Variants in NAV2 observed in about 807,000 individuals in gnomAD.
NAV2 encodes neuron navigator 2.
A neutral mutation model predicts 223.2 loss-of-function variants in NAV2; 54 were observed. That is an observed-to-expected ratio of 0.24 (90% confidence interval 0.19 to 0.30). NAV2 has a LOEUF of 0.30. Among genes scored for constraint, NAV2 ranks in the 10% least tolerant of loss-of-function variants. The probability of loss-of-function intolerance (pLI) is 1.00; values close to 1 mark genes in which losing one functional copy is unlikely to be tolerated. For synonymous variants in NAV2, 1,279 were observed against 1,239.3 expected (o/e 1.03, Z -0.67); for missense variants, 2,806 against 3,147.5 (o/e 0.89, Z 2.60).
chr11:19,751,285 C>A (rs1420650508), intron 1 of NAV2, among the ~76,000 whole-genome samples: 1 of 152,156 alleles, frequency 6.6e-6, no homozygotes, highest in East Asian at 1.9e-4. Flanking sequence ...AGCTCTTAAC[C>A]AATACTCATA....
intron 4 of NAV2, among the ~76,000 whole-genome samples, chr11:19,870,193 C>T (rs549486352): frequency 6.6e-4 from 100 of 152,208 alleles, no homozygotes; most frequent in Non-Finnish European, 3.8e-4. Context: ...CCCTGGGGTA[C>T]GGACCCTCAT....
chr11:19,956,132 C>G (rs1481075243), intron 10 of NAV2, among the ~76,000 whole-genome samples: 1 of 152,158 alleles, frequency 6.6e-6, no homozygotes, highest in African/African-American at 2.4e-5. Context: ...AAGGTAAAGA[C>G]TCAGCTATGT....
intron 1 of NAV2, among the ~76,000 whole-genome samples, chr11:19,528,577 G>C (rs2043917842): frequency 6.6e-6 from 1 of 152,158 alleles, no homozygotes. Context: ...AATGAAGCTA[G>C]CTTTCCTTTA....
intron 4 of NAV2, among the ~76,000 whole-genome samples, chr11:19,873,130 A>C (rs748393206): frequency 1.3e-5 from 2 of 152,206 alleles, no homozygotes; most frequent in Non-Finnish European, 2.9e-5. Context: ...GTTGGGGAGT[A>C]AGGCATATTC....
At chr11:20,103,115 C>T in intron 32 of NAV2, 140 bp from the exon 33 acceptor site, 1 of 756,234 alleles carries the variant, frequency 1.3e-6, no homozygotes, top group Non-Finnish European at 2.1e-6. Context: ...TAGGCAGGCA[C>T]CCAGAATGTG....
intron 10 of NAV2, among the ~76,000 whole-genome samples, chr11:19,982,306 C>T (rs1044234444): frequency 2.0e-5 from 3 of 151,556 alleles, no homozygotes; most frequent in Non-Finnish European, 4.4e-5. Flanking sequence ...CTCACTCTGT[C>T]GCCCAGGCTG....
At chr11:19,856,132 G>C (rs1231283035) in intron 3 of NAV2, among the ~76,000 whole-genome samples, 1 of 152,176 alleles carries the variant, frequency 6.6e-6, no homozygotes, top group Non-Finnish European at 1.5e-5. Flanking sequence ...CAGTAACAGA[G>C]GTTAGCATTC....
At chr11:20,030,693 C>T (rs560429571) in intron 11 of NAV2, among the ~76,000 whole-genome samples, 22 of 152,330 alleles carry the variant, frequency 1.4e-4, no homozygotes, top group Admixed American at 8.5e-4. Context: ...TCTTTCTAAG[C>T]ACTTAAGCAA....
upstream of NAV2, among the ~76,000 whole-genome samples, chr11:19,709,432 C>A (rs1331476172): frequency 6.7e-6 from 1 of 150,048 alleles, no homozygotes; most frequent in Non-Finnish European, 1.5e-5. Flanking sequence ...GTCCCAGCTA[C>A]TCAGGAGGCT....
intron 5 of NAV2, among the ~76,000 whole-genome samples, chr11:19,880,875 A>G (rs2063161345): frequency 6.6e-6 from 1 of 152,234 alleles, no homozygotes; most frequent in South Asian, 2.1e-4. Flanking sequence ...TTTAGGAACT[A>G]GAGTTTTTGA....
intron 1 of NAV2, among the ~76,000 whole-genome samples, chr11:19,787,595 C>T (rs1057275709): frequency 2.0e-5 from 3 of 152,176 alleles, no homozygotes; most frequent in Non-Finnish European, 1.5e-5. Context: ...ATTTCTCTAT[C>T]TGGAAGATTG....
chr11:19,656,056 C>T (rs1023723605), intron 1 of NAV2, among the ~76,000 whole-genome samples: 19 of 152,154 alleles, frequency 1.2e-4, no homozygotes, highest in African/African-American at 4.6e-4. Context: ...ATTTTCAGAA[C>T]ATATGACTTG....
At chr11:19,936,485 T>C (rs961516974) in intron 7 of NAV2, among the ~76,000 whole-genome samples, 2 of 152,216 alleles carry the variant, frequency 1.3e-5, no homozygotes, top group Non-Finnish European at 2.9e-5. Flanking sequence ...ACGTCTATGA[T>C]GTGGATCTGA....
intron 1 of NAV2, chr11:19,591,177 C>G (rs1312407937): frequency 6.6e-6 from 1 of 152,350 alleles, no homozygotes; most frequent in Non-Finnish European, 1.5e-5. Context: ...GTCTCATTGT[C>G]ACCACTGCGA....
At position 20,111,933 on chromosome 11, in the gene NAV2, C is replaced by G. The variant is rs1160227535; in HGVS notation, c.6961-2659C>G. On this transcript the variant is annotated intron_variant, in intron 36 of 37. Coordinates refer to ENST00000349880, the MANE Select transcript of NAV2 (RefSeq NM_145117.5). The stretch of plus-strand genomic sequence containing the variant: ...AGATAATCTCTGAGGACATGTTCAG[C>G]TCCAGGAGTTCTAGCCTCTGTGATT... 7.9e-5 allele frequency among the ~76,000 whole-genome samples: 12 copies of G among 152,204 alleles called. 2 individuals are homozygous for G. Among genetic ancestry groups the G allele is most frequent in the Admixed American group, 7.9e-4 (12 of 15,282 alleles).
intron 1 of NAV2, among the ~76,000 whole-genome samples, chr11:19,428,634 G>A (rs1453988618): frequency 6.6e-6 from 1 of 152,194 alleles, no homozygotes; most frequent in East Asian, 1.9e-4. Context: ...ACCTTGAGCA[G>A]GAATTAAACC....
intron 1 of NAV2, among the ~76,000 whole-genome samples, chr11:19,703,492 G>T (rs10741795): frequency 0.65 from 98,913 of 152,150 alleles, 36,951 homozygotes; most frequent in Non-Finnish European, 0.82. Context: ...CCCTGCAGGA[G>T]CAACCGGTAG....
chr11:19,955,183 G>T lies in NAV2; in HGVS notation c.2645+6103G>T, dbSNP rs141192234. On this transcript the variant is annotated intron_variant, in intron 10 of 37. Coordinates refer to ENST00000349880, the MANE Select transcript of NAV2 (RefSeq NM_145117.5). Reference sequence around the variant, plus strand: ...GCACTTTGGGAGGCTGAGATGGGGGGATCATTTGAGCCTAGGAGTTCAAGA... The same window carrying T: ...GCACTTTGGGAGGCTGAGATGGGGGTATCATTTGAGCCTAGGAGTTCAAGA... 3.5e-3 allele frequency among the ~76,000 whole-genome samples: 536 copies of T among 152,116 alleles called. 1 individual carries two copies. Among genetic ancestry groups the T allele is most frequent in the African/African-American group, 0.012 (505 of 41,478 alleles).
chr11:20,056,666 C>A, intron 19 of NAV2: 2 of 1,368,062 alleles, frequency 1.5e-6, no homozygotes, highest in South Asian at 1.2e-5. Context: ...GGATATCATC[C>A]CCACCCCATG....
Sources: gnomAD v4.1 joint callset for allele counts (sites outside exome capture counted in the v4.1 genomes callset) on GRCh38, gnomAD v4.1.1 for gene constraint, MANE v1.5 for transcripts, NCBI Gene and HGNC (gene_info 2026-07-23, HGNC 2026-07-21) for gene names.